ABLIM1: variants seen among roughly 807,000 people sequenced by gnomAD.
ABLIM1 encodes actin binding LIM protein 1.
ABLIM1 carries 40 observed loss-of-function variants against 107.0 expected under a neutral mutation model. That is an observed-to-expected ratio of 0.37 (90% CI 0.29 to 0.49). The LOEUF is 0.49. Ranked by LOEUF, ABLIM1 falls within the 20% of genes least tolerant of loss-of-function variation. The pLI, the probability that ABLIM1 is intolerant of heterozygous loss-of-function variation, is 0.97. For missense variants in ABLIM1, 857 were observed against 1,008.5 expected, an observed-to-expected ratio of 0.85 and a Z score of 2.04; for synonymous variants, 357 against 357.3, an observed-to-expected ratio of 1.00 and a Z score of 0.01.
chr10:114,514,126 T>G (rs1461158751), intron 6 of ABLIM1, among the ~76,000 whole-genome samples: 4 of 152,170 alleles, frequency 2.6e-5, no homozygotes, highest in African/African-American at 9.6e-5. Flanking sequence ...GAAGCAAACA[T>G]AATTAAGTGA....
At chr10:114,794,115 A>G in the ABLIM1 span, among the ~76,000 whole-genome samples, 1 of 152,086 alleles carries the variant, frequency 6.6e-6, no homozygotes, top group Admixed American at 6.6e-5. Flanking sequence ...AGTCTCCTGG[A>G]TGTGTCTGGA....
chr10:114,736,421 A>G lies in ABLIM1; in HGVS notation c.-213+31640T>C, dbSNP rs116018769. Among the ~76,000 whole-genome samples, 1,398 of 152,350 alleles carry G rather than the reference A, an allele frequency of 9.2e-3. 23 individuals carry two copies. Among genetic ancestry groups the G allele is most frequent in the African/African-American group, 0.032 (1,345 of 41,576 alleles). On this transcript the variant is annotated intron_variant, in intron 1 of 15. Transcript: ENST00000651092. ...TTGGCTGACTGGGTTGGATATTAAA[A>G]AACAACAACGCTAAGCTACCATTTC...
intron 7 of ABLIM1, among the ~76,000 whole-genome samples, chr10:114,491,004 G>GTATATATATATATATA (rs1397165080): frequency 2.4e-4 from 19 of 79,594 alleles, no homozygotes; most frequent in Admixed American, 1.1e-3. Flanking sequence ...GTGTGTGTGT[G>GTATATATATATATATA]TGTGTGTGTA....
chr10:114,693,905 C>T (rs574168208), intron 1 of ABLIM1, among the ~76,000 whole-genome samples: 67 of 151,588 alleles, frequency 4.4e-4, no homozygotes, highest in Non-Finnish European at 8.7e-4. Flanking sequence ...TCAAGCCATC[C>T]TCCCGCCTTG....
intron 1 of ABLIM1, among the ~76,000 whole-genome samples, chr10:114,615,230 G>A (rs149808560): frequency 1.8e-3 from 275 of 152,154 alleles, no homozygotes; most frequent in African/African-American, 5.8e-3. Flanking sequence ...TGGAAGATGC[G>A]CTCTGGCCCC....
chr10:114,625,599 A>G (rs2077738006), intron 1 of ABLIM1, among the ~76,000 whole-genome samples: 1 of 152,200 alleles, frequency 6.6e-6, no homozygotes, highest in Non-Finnish European at 1.5e-5. Flanking sequence ...AAGGAGCTCT[A>G]TAAGGAAGCC....
intron 1 of ABLIM1, among the ~76,000 whole-genome samples, chr10:114,652,974 TTAG>T (rs1368735355): frequency 6.6e-6 from 1 of 152,170 alleles, no homozygotes; most frequent in African/African-American, 2.4e-5. Flanking sequence ...AAGTACGTAA[TTAG>T]CAATATTATT....
chr10:114,455,455 G>A (rs74158007), intron 12 of ABLIM1, among the ~76,000 whole-genome samples: 1 of 152,306 alleles, frequency 6.6e-6, no homozygotes, highest in African/African-American at 2.4e-5. Flanking sequence ...CTAAAGAGAA[G>A]TAACTAGTTC....
intron 6 of ABLIM1, among the ~76,000 whole-genome samples, chr10:114,497,451 G>C (rs1047700037): frequency 6.7e-6 from 1 of 150,228 alleles, no homozygotes; most frequent in Non-Finnish European, 1.5e-5. Context: ...AGGCCGAGGC[G>C]GGCAGATCAC....
chr10:114,472,756 G>C (rs1832538501), intron 10 of ABLIM1, among the ~76,000 whole-genome samples: 1 of 147,868 alleles, frequency 6.8e-6, no homozygotes, highest in African/African-American at 2.5e-5. Flanking sequence ...GCATGCTAAT[G>C]TTTAGCTGGT....
intron 1 of ABLIM1, among the ~76,000 whole-genome samples, chr10:114,714,446 C>G (rs2081616750): frequency 6.6e-6 from 1 of 152,184 alleles, no homozygotes; most frequent in Admixed American, 6.5e-5. Flanking sequence ...CTGAAAGAAG[C>G]CAGTGATCCT....
At chr10:114,587,032 T>C (rs184817585) in intron 2 of ABLIM1, among the ~76,000 whole-genome samples, 31 of 152,362 alleles carry the variant, frequency 2.0e-4, no homozygotes, top group Non-Finnish European at 4.1e-4. Context: ...TAAGTTCACA[T>C]GTCCTACATA....
At chr10:114,647,265 C>T (rs1402375409) in intron 1 of ABLIM1, among the ~76,000 whole-genome samples, 2 of 145,640 alleles carry the variant, frequency 1.4e-5, no homozygotes, top group Non-Finnish European at 3.0e-5. Flanking sequence ...TCCCAAAGTA[C>T]TGAGATTACA....
intron 1 of ABLIM1, among the ~76,000 whole-genome samples, chr10:114,703,662 C>A (rs999407877): frequency 6.6e-6 from 1 of 152,228 alleles, no homozygotes; most frequent in African/African-American, 2.4e-5. Flanking sequence ...TCATCTTCAA[C>A]GCCTCCAATG....
chr10:114,585,199 T>C (rs957281477), intron 2 of ABLIM1, among the ~76,000 whole-genome samples: 4 of 152,178 alleles, frequency 2.6e-5, no homozygotes, highest in African/African-American at 9.7e-5. Flanking sequence ...AGGCCACACA[T>C]TTAAATTTTG....
At chr10:114,641,970 C>T (rs1375274044) in intron 1 of ABLIM1, among the ~76,000 whole-genome samples, 1 of 152,158 alleles carries the variant, frequency 6.6e-6, no homozygotes, top group Non-Finnish European at 1.5e-5. Flanking sequence ...GCAGCCTCAA[C>T]CTCCAAGGCT....
At chr10:114,560,489 T>A (rs1184960212) in intron 4 of ABLIM1, among the ~76,000 whole-genome samples, 1 of 152,218 alleles carries the variant, frequency 6.6e-6, no homozygotes, top group Non-Finnish European at 1.5e-5. Context: ...TGTATAGATA[T>A]GTTTAGACAC....
chr10:114,697,059 C>T lies in ABLIM1; in HGVS notation c.-213+71002G>A, dbSNP rs138438228. 7.1e-4 allele frequency among the ~76,000 whole-genome samples: 108 copies of T among 152,268 alleles called. 1 individual carries two copies. Among genetic ancestry groups the T allele is most frequent in the African/African-American group, 2.1e-3 (87 of 41,564 alleles). On this transcript the variant is annotated intron_variant, in intron 1 of 15. Coordinates refer to the ABLIM1 transcript ENST00000651092. Reference sequence around the variant, plus strand: ...AGAATTCACAGTAATCTGAATCTCTCGGCCTCATGACTCAGGGCACTCTGG... The same window carrying T: ...AGAATTCACAGTAATCTGAATCTCTTGGCCTCATGACTCAGGGCACTCTGG...
chr10:114,453,409 C>G lies in ABLIM1; in HGVS notation c.1516G>C (p.Ala506Pro), dbSNP rs777212178. ...ACATGGAAATGTTTAGGGGCCTGAGCGTAAGTTGGAGTTAGAGGGCGGCTG... is the reference window on the plus strand; with the variant it reads ...ACATGGAAATGTTTAGGGGCCTGAGGGTAAGTTGGAGTTAGAGGGCGGCTG... ...PDSRPLTPTY[A>P]QAPKHFHVPD... The change falls in exon 13 of 23, where the codon GCT becomes CCT. Residue 506 changes from alanine (A) to proline (P), a missense_variant. Ala to Pro is a conservative substitution (Grantham distance 27, BLOSUM62 -1). Around this residue, in one of 5 missense-constraint regions of ABLIM1, gnomAD observed 381 missense variants for 506.9 expected, o/e 0.75. Transcript: ENST00000533213. 2.5e-6 allele frequency: 4 copies of G among 1,613,786 alleles called. No individual in the cohort carries two copies. Among genetic ancestry groups the G allele is most frequent in the Non-Finnish European group, 3.4e-6 (4 of 1,179,946 alleles).
Sources: gnomAD v4.1 joint callset for allele counts (sites outside exome capture counted in the v4.1 genomes callset) on GRCh38, gnomAD v4.1.1 for gene constraint, gnomAD v4.1.1 regional missense constraint, MANE v1.5 for transcripts, NCBI Gene and HGNC (gene_info 2026-07-23, HGNC 2026-07-21) for gene names.